Variants in CSMD2 observed in about 807,000 individuals in gnomAD.
The protein encoded by CSMD2 is CUB and Sushi multiple domains 2, also known as CUB and sushi domain-containing protein 2.
In CSMD2, 130 loss-of-function variants were observed where a neutral mutation model predicts 398.5. That is an observed-to-expected ratio of 0.33 (90% CI 0.28 to 0.38). The LOEUF (loss-of-function observed/expected upper bound fraction) is 0.38, where lower values mean the gene tolerates loss of function less well. Ranked by LOEUF, CSMD2 falls within the 10% of genes least tolerant of loss-of-function variation. The probability of loss-of-function intolerance (pLI) is 1.00; values close to 1 mark genes in which losing one functional copy is unlikely to be tolerated. For synonymous variants in CSMD2, 1,828 were observed against 1,908.5 expected, an observed-to-expected ratio of 0.96 and a Z score of 1.10; for missense variants, 3,829 against 4,764.9, an observed-to-expected ratio of 0.80 and a Z score of 5.78.
chr1:34,010,627 C>CT (rs1032853586), intron 3 of CSMD2, among the ~76,000 whole-genome samples: 127 of 148,930 alleles, frequency 8.5e-4, no homozygotes, highest in Non-Finnish European at 1.4e-3. Context: ...TCTTTTTTTT[C>CT]TTTTTTTTTG....
intron 15 of CSMD2, among the ~76,000 whole-genome samples, chr1:33,734,504 G>C (rs1646821197): frequency 2.0e-5 from 3 of 152,020 alleles, no homozygotes; most frequent in Admixed American, 2.0e-4. Context: ...GAAAATACAG[G>C]GGCCAGGTGT....
intron 67 of CSMD2, 118 bp from the exon 68 acceptor site, chr1:33,521,668 G>A (rs1446116643): frequency 1.3e-6 from 1 of 745,874 alleles, no homozygotes; most frequent in African/African-American, 1.7e-5. Context: ...CTGACACACA[G>A]GGTTTGTTCT....
intron 10 of CSMD2, among the ~76,000 whole-genome samples, chr1:33,805,514 A>T (rs952511180): frequency 2.0e-5 from 3 of 152,202 alleles, no homozygotes; most frequent in African/African-American, 2.4e-5. Context: ...AAATAAAAAT[A>T]AAAAAAGCAG....
At chr1:33,539,794 A>T (rs564529166) in intron 60 of CSMD2, among the ~76,000 whole-genome samples, 1 of 152,348 alleles carries the variant, frequency 6.6e-6, no homozygotes, top group African/African-American at 2.4e-5. Context: ...GGAAAGGGTA[A>T]CATTGCACCA....
chr1:33,843,020 T>C (rs1661010067), intron 6 of CSMD2, among the ~76,000 whole-genome samples: 1 of 152,238 alleles, frequency 6.6e-6, no homozygotes, highest in African/African-American at 2.4e-5. Context: ...CCTTAAATCC[T>C]TCTGGCAAAA....
At chr1:34,142,804 T>C (rs1346653904) in intron 1 of CSMD2, among the ~76,000 whole-genome samples, 1 of 152,206 alleles carries the variant, frequency 6.6e-6, no homozygotes, top group African/African-American at 2.4e-5. Flanking sequence ...TTAAGGTTTA[T>C]ATTAGATGGT....
rs897399139 is a variant in CSMD2 at position 33,634,021 on chromosome 1, C to T, written c.5087-486G>A. ...GTGAGCTCCTTATCACTGGAGGGAT[C>T]CAGGCACAAACTGCATGCCCACCTA... On this transcript the variant is annotated intron_variant, in intron 31 of 70. Transcript: ENST00000373381. Among the ~76,000 whole-genome samples, 8 of 152,282 alleles carry T rather than the reference C, an allele frequency of 5.3e-5. No individual in the cohort carries two copies. In the South Asian group the frequency reaches 1.7e-3, roughly 32 times the overall value.
At chr1:33,972,800 G>C (rs906371160) in intron 3 of CSMD2, among the ~76,000 whole-genome samples, 8 of 152,174 alleles carry the variant, frequency 5.3e-5, no homozygotes, top group African/African-American at 1.9e-4. Context: ...CATCATGCTT[G>C]TAGAGATTTG....
chr1:33,883,609 C>G (rs186617060), intron 5 of CSMD2, among the ~76,000 whole-genome samples: 341 of 152,216 alleles, frequency 2.2e-3, no homozygotes, highest in African/African-American at 7.8e-3. Context: ...GAAATCTAGA[C>G]ACTTTCATTT....
Position 33,806,117 on chromosome 1 carries a change from G to A in CSMD2, c.1446+4626C>T, listed in dbSNP as rs367938114. Reference sequence around the variant, plus strand: ...CCCAGCACAATGGTGACTGTAATACGATACTTCTGAAAGAGTTGGGTTAGT... The same window carrying A: ...CCCAGCACAATGGTGACTGTAATACAATACTTCTGAAAGAGTTGGGTTAGT... On this transcript the variant is annotated intron_variant, in intron 10 of 70. Transcript: ENST00000373381. Among the ~76,000 whole-genome samples the A allele has an allele frequency of 1.3e-4, 20 of 152,198 alleles. No homozygotes were observed. In the East Asian group the frequency reaches 3.3e-3, roughly 25 times the overall value.
chr1:33,526,120 TTTA>T (rs1557482506), intron 65 of CSMD2, among the ~76,000 whole-genome samples: 2 of 152,330 alleles, frequency 1.3e-5, no homozygotes, highest in South Asian at 4.2e-4. Context: ...TATAAATATG[TTTA>T]TTATTTGTCA....
At chr1:33,701,752 C>G (rs1364411022) in intron 22 of CSMD2, among the ~76,000 whole-genome samples, 1 of 152,108 alleles carries the variant, frequency 6.6e-6, no homozygotes, top group Non-Finnish European at 1.5e-5. Flanking sequence ...TTCTGGGGTT[C>G]CAACAGACAT....
intron 5 of CSMD2, chr1:33,864,124 T>C: frequency 6.9e-7 from 1 of 1,449,052 alleles, no homozygotes; most frequent in Middle Eastern, 2.5e-4. Flanking sequence ...AGATTGCTCC[T>C]GGAGTGTGGG....
At chr1:33,751,698 C>G (rs1047800599) in intron 13 of CSMD2, among the ~76,000 whole-genome samples, 1 of 152,054 alleles carries the variant, frequency 6.6e-6, no homozygotes, top group Non-Finnish European at 1.5e-5. Context: ...CTTGGCTCAC[C>G]GTAACCTCTG....
At chr1:33,788,499 C>T (rs2124845678) in intron 12 of CSMD2, 101 bp downstream of exon 12, 1 of 660,538 alleles carries the variant, frequency 1.5e-6, no homozygotes, top group African/African-American at 2.1e-5. Context: ...CAGAGTGAGA[C>T]TCCGTCTCAA....
chr1:33,614,406 TG>T, intron 40 of CSMD2, 97 bp downstream of exon 40: 2 of 733,742 alleles, frequency 2.7e-6, no homozygotes, highest in Non-Finnish European at 5.0e-6. Flanking sequence ...TAAACAGACT[TG>T]GCCCAAGTTT....
chr1:33,797,869 T>G (rs536925906), intron 10 of CSMD2, among the ~76,000 whole-genome samples: 1 of 152,156 alleles, frequency 6.6e-6, no homozygotes, highest in Non-Finnish European at 1.5e-5. Flanking sequence ...GAGTGTATGA[T>G]TATTACGCCT....
chr1:33,892,041 A>G (rs1342840898), intron 5 of CSMD2, among the ~76,000 whole-genome samples: 1 of 138,334 alleles, frequency 7.2e-6, no homozygotes, highest in Non-Finnish European at 1.5e-5. Context: ...CTAAAACTTA[A>G]AGTAAAATAA....
At chr1:33,523,553 C>T in intron 66 of CSMD2, 134 bp from the exon 67 acceptor site, 1 of 604,166 alleles carries the variant, frequency 1.7e-6, no homozygotes, top group East Asian at 2.8e-5. Flanking sequence ...CTCCACATCC[C>T]TTTAAGTCGT....
Sources: gnomAD v4.1 joint callset for allele counts (sites outside exome capture counted in the v4.1 genomes callset) on GRCh38, gnomAD v4.1.1 for gene constraint, MANE v1.5 for transcripts, NCBI Gene and HGNC (gene_info 2026-07-23, HGNC 2026-07-21) for gene names.